Variants in TTN observed in about 807,000 individuals in gnomAD.
The protein encoded by TTN is connectin.
In TTN, 1,525 loss-of-function variants were observed where a neutral mutation model predicts 3,223.0. The ratio of observed to expected loss-of-function variants is 0.47; its 90% CI spans 0.45 to 0.49. TTN has a LOEUF of 0.49. Among genes scored for constraint, TTN ranks in the 20% least tolerant of loss-of-function variants. The probability of loss-of-function intolerance (pLI) is 0.00; values close to 1 mark genes in which losing one functional copy is unlikely to be tolerated. For synonymous variants in TTN, 14,094 were observed against 15,161.0 expected, an observed-to-expected ratio of 0.93 and a Z score of 5.17; for missense variants, 40,786 against 43,424.0, an observed-to-expected ratio of 0.94 and a Z score of 5.40.
Position 178,646,039 on chromosome 2 carries a change from A to G in TTN, c.40298-9T>C, listed in dbSNP as rs771273171. On this transcript the variant is annotated splice_polypyrimidine_tract_variant and intron_variant, in intron 216 of 362. Coordinates refer to ENST00000589042, the MANE Select transcript of TTN (RefSeq NM_001267550.2). Reference sequence around the variant, plus strand: ...CTTTTCAGGTTCAGGTTCTTGAAAGAGTATTTCAGAGGTGTTAGTATATGT... The same window carrying G: ...CTTTTCAGGTTCAGGTTCTTGAAAGGGTATTTCAGAGGTGTTAGTATATGT... 4.0e-6 allele frequency: 6 copies of G among 1,510,102 alleles called. No homozygotes were observed. Among genetic ancestry groups the G allele is most frequent in the Admixed American group, 4.5e-5 (2 of 44,608 alleles). The allele number at this position is 1,510,102 out of a possible 1,614,324, so 93.5% of individuals were successfully genotyped here.
chr2:178,556,588 TACAA>T (rs1299439809), intron 330 of TTN: 1 of 487,458 alleles, frequency 2.1e-6, no homozygotes, highest in East Asian at 3.9e-5. Context: ...CACCAACTCA[TACAA>T]TCAATCATAA....
intron 47 of TTN, chr2:178,746,496 A>G: frequency 1.2e-6 from 2 of 1,613,094 alleles, no homozygotes; most frequent in South Asian, 1.1e-5. Context: ...GGTGTTCTTG[A>G]TGATGTGGTG....
chr2:178,731,049 A>G lies in TTN; in HGVS notation c.17616T>C (p.Ser5872=), dbSNP rs2080390221. 2.5e-6 allele frequency: 4 copies of G among 1,613,504 alleles called. No individual in the cohort carries two copies. The highest frequency in any genetic ancestry group is 1.7e-5 in the Admixed American group (1 of 59,970). ...ELTLGSKYKI[S]VTDTVSILKI... Reference sequence around the variant, plus strand: ...TCAGTATTGAGACTGTATCAGTGACACTGATTTTATATTTTGAGCCCAGGG... The same window carrying G: ...TCAGTATTGAGACTGTATCAGTGACGCTGATTTTATATTTTGAGCCCAGGG... Residue 5872 remains serine, a synonymous_variant, in exon 60 of 363, where the codon AGT becomes AGC. Transcript: ENST00000589042.
chr2:178,694,051 A>G (rs1257551175), intron 117 of TTN, 43 bp from the exon 118 acceptor site: 1 of 1,461,312 alleles, frequency 6.8e-7, no homozygotes, highest in Non-Finnish European at 9.5e-7. Flanking sequence ...TTTTTTTAGT[A>G]CAAGACATCA....
rs1417934977 is a variant in TTN at position 178,535,613 on chromosome 2, C to T, written c.101002G>A (p.Val33668Met). 1 of 1,613,832 alleles carries T rather than the reference C, an allele frequency of 6.2e-7. No individual in the cohort carries two copies. The highest frequency in any genetic ancestry group is 8.5e-7 in the Non-Finnish European group (1 of 1,179,786). ...CCAAATCTGTTTTTAGCACAGACCA[C>T]ATAGAAACCAGCATCTTTTCTCTCT... ...GVERKDAGFYVVCAKNRFGID... is the reference protein window; with the variant it reads ...GVERKDAGFYMVCAKNRFGID... The change falls in exon 358 of 363, where the codon GTG becomes ATG. Residue 33668 changes from valine (V) to methionine (M), a missense_variant. Transcript: ENST00000589042.
chr2:178,709,841 G>C lies in TTN; in HGVS notation c.28478C>G (p.Pro9493Arg). Residue 9493 changes from proline to arginine, a missense_variant, in exon 99 of 363, where the codon CCA becomes CGA. Physicochemically the swap from Pro to Arg is moderately radical, Grantham distance 103 (BLOSUM62 -2). Coordinates refer to ENST00000589042, the MANE Select transcript of TTN (RefSeq NM_001267550.2). ...CTCTGAGAGTCTTTTAGTGAAACTTGGTGGGATGAGCCGCTCTATAAGAAA... is the reference window on the plus strand; with the variant it reads ...CTCTGAGAGTCTTTTAGTGAAACTTCGTGGGATGAGCCGCTCTATAAGAAA... ...QLNIKERLIP[P>R]SFTKRLSETV... 3 of 1,611,622 alleles carry C rather than the reference G, an allele frequency of 1.9e-6. No homozygotes were observed. The highest frequency in any genetic ancestry group is 2.5e-6 in the Non-Finnish European group (3 of 1,178,644).
chr2:178,778,802 A>G (rs1199383305), intron 24 of TTN, 72 bp downstream of exon 24: 1 of 1,602,262 alleles, frequency 6.2e-7, no homozygotes, highest in Admixed American at 1.7e-5. Flanking sequence ...CTTACACAAT[A>G]GCAATTTGCT....
rs201129413 is a variant in TTN, at chr2:178,741,038, A to G, written c.12195T>C (p.Leu4065=). ...TPLKGPAVEA[L]DSEQEIATFV... ...ACGTTGCAATTTCCTGCTCTGAGTC[A>G]AGTGCTTCAACTGCGGGACCCTTTA... Residue 4065 remains leucine, a synonymous_variant, in exon 48 of 363, where the codon CTT becomes CTC. Coordinates refer to ENST00000589042, the MANE Select transcript of TTN (RefSeq NM_001267550.2). 1.4e-4 allele frequency: 230 copies of G among 1,613,806 alleles called. 1 individual carries two copies. Among genetic ancestry groups the G allele is most frequent in the Admixed American group, 1.3e-4 (8 of 59,994 alleles).
At position 178,715,790 on chromosome 2, in the gene TTN, G is replaced by A. The variant is rs1370057453; in HGVS notation, c.25640-16C>T. 1.3e-6 allele frequency: 2 copies of A among 1,563,406 alleles called. No homozygotes were observed. The highest frequency in any genetic ancestry group is 1.7e-6 in the Non-Finnish European group (2 of 1,152,596). On this transcript the variant is annotated splice_polypyrimidine_tract_variant and intron_variant, in intron 88 of 362. Transcript: ENST00000589042. Reference sequence around the variant, plus strand: ...CTGGGTGGTTCTATGGAACCAAGAGGAAAAACACAGGGTAAGGGATGGAAC... The same window carrying A: ...CTGGGTGGTTCTATGGAACCAAGAGAAAAAACACAGGGTAAGGGATGGAAC...
At position 178,614,365 on chromosome 2, in the gene TTN, A is replaced by C; in HGVS notation, c.49049-17T>G. ...CGGGTTTATCTGTGTATGGCATTAC[A>C]GATGCAGAAAAAAAAATTGTTCACC... is the stretch of plus-strand genomic sequence containing the variant. On this transcript the variant is annotated splice_polypyrimidine_tract_variant and intron_variant, in intron 261 of 362. Coordinates refer to ENST00000589042, the MANE Select transcript of TTN (RefSeq NM_001267550.2). 2 of 1,582,220 alleles carry C rather than the reference A, an allele frequency of 1.3e-6. No individual in the cohort carries two copies. The highest frequency in any genetic ancestry group is 1.7e-6 in the Non-Finnish European group (2 of 1,170,330).
In TTN at chr2:178,611,068, C is replaced by CT. The variant is rs2154199483; in HGVS notation, c.51060dup (p.Asp17021ArgfsTer12). On this transcript the variant is annotated frameshift_variant, in exon 270 of 363. Coordinates refer to ENST00000589042, the MANE Select transcript of TTN (RefSeq NM_001267550.2). LOFTEE classifies it high-confidence loss of function. ...AGTGTAATGGTATAAATTCCGGCAT[C>CT]TGCACGGACACTCTTGGGAACTTCA... 6.2e-7 allele frequency: 1 copy of CT among 1,612,836 alleles called. No homozygotes were observed. The highest frequency in any genetic ancestry group is 1.3e-5 in the African/African-American group (1 of 74,962).
rs1309034017 is a variant in TTN, at chr2:178,561,471, C to T, written c.84661G>A (p.Glu28221Lys). 6.2e-7 allele frequency: 1 copy of T among 1,613,690 alleles called. No homozygotes were observed. The highest frequency in any genetic ancestry group is 1.3e-5 in the African/African-American group (1 of 74,928). ...DTQMKVSGLD[E>K]GLMYEYRVYA... ...ACACGATACTCATACATCAGTCCTT[C>T]ATCAAGGCCGGAGACTTTCATTTGA... The change falls in exon 326 of 363, where the codon GAA (glutamate) becomes AAA (lysine). Residue 28221 changes from glutamate to lysine, a missense_variant. Glu to Lys is a moderately conservative substitution (Grantham distance 56). Transcript: ENST00000589042.
rs2076787614 is a variant in TTN at position 178,712,345 on chromosome 2, C to A, written c.27577G>T (p.Asp9193Tyr). Residue 9193 changes from aspartate (D) to tyrosine (Y), a missense_variant, in exon 95 of 363, where the codon GAT (aspartate) becomes TAT (tyrosine). Transcript: ENST00000589042. Reference protein sequence around the residue: ...NCYIENASGKDSCSAQILILE... With the variant: ...NCYIENASGKYSCSAQILILE... Reference sequence around the variant, plus strand: ...ATGAGTATTTGTGCTGAACAGGAATCTTTTCCAGAGGCATTTTCAATGTAG... The same window carrying A: ...ATGAGTATTTGTGCTGAACAGGAATATTTTCCAGAGGCATTTTCAATGTAG... The A allele has an allele frequency of 1.9e-6, 3 of 1,613,742 alleles. No individual in the cohort carries two copies. The highest frequency in any genetic ancestry group is 2.5e-6 in the Non-Finnish European group (3 of 1,179,732).
Position 178,715,040 on chromosome 2 carries a change from TAC to T in TTN, c.26144_26145del (p.Cys8715Ter). 6.2e-7 allele frequency: 1 copy of T among 1,613,572 alleles called. No individual in the cohort carries two copies. Among genetic ancestry groups the T allele is most frequent in the Non-Finnish European group, 8.5e-7 (1 of 1,179,634 alleles). On this transcript the variant is annotated frameshift_variant, in exon 90 of 363. Coordinates refer to ENST00000589042, the MANE Select transcript of TTN (RefSeq NM_001267550.2). LOFTEE classifies it high-confidence loss of function. ...VDAADIGEYQCKATNDVGSDT... is the reference protein window; with the variant it reads ...VDAADIGEYQXKATNDVGSDT... ...TCGCTTCCCACATCATTTGTGGCTT[TAC>T]ACTGATATTCCCCAATGTCTGCAGC...
chr2:178,709,642 G>T lies in TTN; in HGVS notation c.28677C>A (p.Asn9559Lys). 1 of 1,613,880 alleles carries T rather than the reference G, an allele frequency of 6.2e-7. No individual in the cohort carries two copies. The highest frequency in any genetic ancestry group is 8.5e-7 in the Non-Finnish European group (1 of 1,179,802). The change falls in exon 99 of 363, where the codon AAC (asparagine) becomes AAA (lysine). Residue 9559 changes from asparagine to lysine, a missense_variant. Physicochemically the swap from Asn to Lys is moderately conservative, Grantham distance 94. Transcript: ENST00000589042. ...LVLQVRKAGM[N>K]DAGLYTCKVS... Reference sequence around the variant, plus strand: ...CTTTGCATGTGTACAAACCAGCGTCGTTCATGCCTGCTTTCCTGACTTGCA... The same window carrying T: ...CTTTGCATGTGTACAAACCAGCGTCTTTCATGCCTGCTTTCCTGACTTGCA...
intron 47 of TTN, chr2:178,750,625 T>C: frequency 6.2e-7 from 1 of 1,612,852 alleles, no homozygotes; most frequent in Non-Finnish European, 8.5e-7. Context: ...TCATGTTTTC[T>C]TCCTTCTGTT....
intron 46 of TTN, among the ~76,000 whole-genome samples, chr2:178,755,878 T>A (rs185297438): frequency 6.6e-6 from 1 of 152,330 alleles, no homozygotes; most frequent in East Asian, 1.9e-4. Flanking sequence ...TCTGGCACAA[T>A]AATAAATACC....
chr2:178,717,879 A>T, intron 86 of TTN, 64 bp downstream of exon 86: 1 of 1,572,578 alleles, frequency 6.4e-7, no homozygotes, highest in Non-Finnish European at 8.6e-7. Flanking sequence ...TCAATTCATA[A>T]AAGTTTTAAC....
chr2:178,606,374 T>G (rs972664273), intron 278 of TTN, among the ~76,000 whole-genome samples: 1 of 144,202 alleles, frequency 6.9e-6, no homozygotes, highest in Non-Finnish European at 1.5e-5. Flanking sequence ...ATAGGATGTA[T>G]TTTTTTTTTT....
Sources: allele counts gnomAD v4.1 joint callset (sites outside exome capture counted in the v4.1 genomes callset), GRCh38; gene constraint gnomAD v4.1.1; transcripts MANE v1.5; gene names NCBI Gene and HGNC (gene_info 2026-07-23, HGNC 2026-07-21).